The following S100A5 variants were observed in gnomAD, a reference collection of about 807,000 sequenced individuals.
S100A5 encodes S100 calcium binding protein A5.
In S100A5, 5 loss-of-function variants were observed where a neutral mutation model predicts 6.7. The ratio of observed to expected loss-of-function variants is 0.75; its 90% CI spans 0.39 to 1.57. The LOEUF (loss-of-function observed/expected upper bound fraction) is 1.57. S100A5 is among the 40% of genes most tolerant of loss of function. The pLI is 0.03. For synonymous variants in S100A5, 49 were observed against 44.9 expected (o/e 1.09, Z -0.37); for missense variants, 129 against 110.8 (o/e 1.16, Z -0.74).
At chr1:153,539,440 AAAAAAAAAAAATAT>A (rs1352240630) in intron 2 of S100A5, among the ~76,000 whole-genome samples, 2 of 111,716 alleles carry the variant, frequency 1.8e-5, no homozygotes, top group African/African-American at 9.3e-5. Context: ...AAAAAAAAAA[AAAAAAAAAAAATAT>A]ATATATATAT....
In S100A5 at chr1:153,540,055, TC is replaced by T. The variant is rs747229610; in HGVS notation, c.136del (p.Glu46ArgfsTer2). ...GAGGATGAGGGAACAATCACCTACC[TC>T]CCCAAGACACAGCTCTTTCTTGATC... is the stretch of plus-strand genomic sequence containing the variant. ...ELIKKELCLGEMKESSIDDLM... is the reference protein window; with the variant it reads ...ELIKKELCLGXMKESSIDDLM... On this transcript the variant is annotated frameshift_variant and splice_region_variant, in exon 2 of 3. Transcript: ENST00000368717. LOFTEE classifies it high-confidence loss of function. 2 of 1,613,790 alleles carry T rather than the reference TC, an allele frequency of 1.2e-6. No individual in the cohort carries two copies. The highest frequency in any genetic ancestry group is 2.7e-5 in the African/African-American group (2 of 74,854).
chr1:153,543,507 TG>T, upstream of S100A5: 1 of 473,380 alleles, frequency 2.1e-6, no homozygotes, highest in South Asian at 3.1e-5. Context: ...CTAACTTCAC[TG>T]GTCTGCTGTC....
upstream of S100A5, chr1:153,541,380 C>T (rs1204184100): frequency 7.3e-7 from 1 of 1,367,606 alleles, no homozygotes; most frequent in Non-Finnish European, 9.8e-7. Flanking sequence ...GAAGGAAGGA[C>T]TTACCACTGT....
At chr1:153,539,740 A>T (rs1402774037) in intron 2 of S100A5, among the ~76,000 whole-genome samples, 1 of 151,808 alleles carries the variant, frequency 6.6e-6, no homozygotes, top group African/African-American at 2.4e-5. Flanking sequence ...GCATCCCTTC[A>T]CCACCCATGA....
upstream of S100A5, among the ~76,000 whole-genome samples, chr1:153,542,237 G>C (rs1665411403): frequency 6.6e-6 from 1 of 152,206 alleles, no homozygotes; most frequent in Admixed American, 6.5e-5. Flanking sequence ...TCCAAGAACA[G>C]ACCTGGGCTC....
At chr1:153,541,668 G>A, upstream of S100A5, 1 of 1,145,572 alleles carries the variant, frequency 8.7e-7, no homozygotes, top group South Asian at 1.8e-5. Flanking sequence ...TTACTCTTCT[G>A]ACCAAAAATC....
intron 2 of S100A5, among the ~76,000 whole-genome samples, 186 bp from the exon 3 acceptor site, chr1:153,537,622 T>C (rs1049585442): frequency 6.6e-6 from 1 of 152,090 alleles, no homozygotes; most frequent in Non-Finnish European, 1.5e-5. Context: ...TGGCATGAGG[T>C]AGGGGGTCAG....
Position 153,539,469 on chromosome 1 carries a change from A to ATTTATT in S100A5, c.138+584_138+585insAATAAA, listed in dbSNP as rs1553214724. Reference sequence around the variant, plus strand: ...AAAAAAAATATATATATATATATATATATATATTTATTTATTTATTTATCC... The same window carrying ATTTATT: ...AAAAAAAATATATATATATATATATATTTATTTATATATTTATTTATTTATTTATCC... On this transcript the variant is annotated intron_variant, in intron 2 of 2. Coordinates refer to ENST00000368717, the MANE Select transcript of S100A5 (RefSeq NM_001394232.1). Among the ~76,000 whole-genome samples, 14 of 122,978 alleles carry ATTTATT rather than the reference A, an allele frequency of 1.1e-4. 1 individual carries two copies. Among genetic ancestry groups the ATTTATT allele is most frequent in the African/African-American group, 5.2e-4 (14 of 26,710 alleles). The allele number at this position is 122,978 out of a possible 152,430, so 80.7% of individuals were successfully genotyped here. A position where few individuals can be genotyped will look rare whatever the true frequency, so the allele number is the denominator to read the frequency against.
At chr1:153,543,592 C>G (rs182949612), upstream of S100A5, 1 of 744,958 alleles carries the variant, frequency 1.3e-6, no homozygotes, top group African/African-American at 1.8e-5. Flanking sequence ...CCAACCCACG[C>G]CCCCAGAGTC....
intron 2 of S100A5, among the ~76,000 whole-genome samples, chr1:153,537,845 C>T (rs1050610354): frequency 2.6e-5 from 4 of 152,042 alleles, no homozygotes; most frequent in East Asian, 1.9e-4. Flanking sequence ...ATCAGGAGTT[C>T]GAGACCAGCC....
At position 153,540,464 on chromosome 1, in the gene S100A5, G is replaced by T. The variant is rs1007445343; in HGVS notation, c.-15+157C>A. ...CTGCTGGGGAGTTGTTGAAAAGTAG[G>T]CCTGAGGCAGAAAGATGAGAAGACG... On this transcript the variant is annotated intron_variant, in intron 1 of 2. Transcript: ENST00000368717. Among the ~76,000 whole-genome samples, 4 of 152,316 alleles carry T rather than the reference G, an allele frequency of 2.6e-5. No individual in the cohort carries two copies. The South Asian group carries it at 8.3e-4, about 32-fold the overall frequency.
upstream of S100A5, chr1:153,541,310 C>A: frequency 8.1e-7 from 1 of 1,239,208 alleles, no homozygotes; most frequent in Admixed American, 1.9e-5. Flanking sequence ...GAGGTCACCA[C>A]CACTTGTCAC....
At chr1:153,541,509 T>G (rs7529817), upstream of S100A5, 4,356 of 1,353,604 alleles carry the variant, frequency 3.2e-3, 129 homozygotes, top group African/African-American at 0.058. Context: ...CATGAGAAGT[T>G]GTTGGGGACT....
chr1:153,541,876 A>T, upstream of S100A5: 4 of 1,014,066 alleles, frequency 3.9e-6, no homozygotes, highest in Non-Finnish European at 4.7e-6. Flanking sequence ...TGAGATGGGG[A>T]TCAGTGGAGG....
upstream of S100A5, chr1:153,541,555 C>A: frequency 7.9e-7 from 1 of 1,272,486 alleles, no homozygotes; most frequent in Admixed American, 2.5e-5. Flanking sequence ...CGGGATGGAG[C>A]TGGGGAGAAA....
At chr1:153,539,358 C>T (rs1223138279) in intron 2 of S100A5, among the ~76,000 whole-genome samples, 7 of 130,590 alleles carry the variant, frequency 5.4e-5, no homozygotes, top group African/African-American at 2.9e-5. Context: ...ACCTGAGAGG[C>T]GGAGGTTGCA....
At chr1:153,541,424 T>C (rs7529714), upstream of S100A5, 4,542 of 1,367,798 alleles carry the variant, frequency 3.3e-3, 136 homozygotes, top group African/African-American at 0.06. Context: ...GCAGCAGGCA[T>C]AGCCTCCCTC....
At chr1:153,541,639 G>A (rs76648399), upstream of S100A5, 4,319 of 1,163,776 alleles carry the variant, frequency 3.7e-3, 141 homozygotes, top group African/African-American at 0.063. Flanking sequence ...TAGCACACAC[G>A]TCCCCAATCC....
rs151260352 is a variant in S100A5, at chr1:153,537,159, C to A, written c.*137G>T. 1.0e-6 allele frequency: 1 copy of A among 1,003,212 alleles called. No individual in the cohort carries two copies. The highest frequency in any genetic ancestry group is 1.5e-6 in the Non-Finnish European group (1 of 682,656). The allele number at this position is 1,003,212 out of a possible 1,614,324, so 62.1% of individuals were successfully genotyped here. A position where few individuals can be genotyped will look rare whatever the true frequency, so the allele number is the denominator to read the frequency against. On this transcript the variant is annotated 3_prime_UTR_variant, in exon 3 of 3. Transcript: ENST00000368717. ...TTCAAAACCAGACTCCCAGCACCTG[C>A]GATGGAAACTTTATTTCCTCCCATG...
Sources: allele counts gnomAD v4.1 joint callset (sites outside exome capture counted in the v4.1 genomes callset), GRCh38; gene constraint gnomAD v4.1.1; transcripts MANE v1.5; gene names NCBI Gene and HGNC (gene_info 2026-07-23, HGNC 2026-07-21).